The following RPAP2 variants were observed in gnomAD, a reference collection of about 807,000 sequenced individuals.
RPAP2 encodes RNA polymerase II associated protein 2.
A neutral mutation model predicts 73.1 loss-of-function variants in RPAP2; 52 were observed. The observed-to-expected ratio is 0.71, with a 90% CI of 0.57 to 0.90. RPAP2 has a LOEUF of 0.90. RPAP2 is among the 40% of genes least tolerant of loss of function. The pLI, the probability that RPAP2 is intolerant of heterozygous loss-of-function variation, is 0.00. For synonymous variants in RPAP2, 225 were observed against 242.1 expected (o/e 0.93, Z 0.65); for missense variants, 598 against 701.8 (o/e 0.85, Z 1.67).
chr1:92,332,474 G>T (rs7542747), intron 8 of RPAP2, among the ~76,000 whole-genome samples: 131,342 of 152,098 alleles, frequency 0.86, 57,129 homozygotes, highest in East Asian at 1. Context: ...TCATATTGTC[G>T]TGTTTTATTA....
intron 7 of RPAP2, among the ~76,000 whole-genome samples, chr1:92,322,942 T>C (rs1449142518): frequency 2.7e-5 from 4 of 147,610 alleles, no homozygotes; most frequent in Non-Finnish European, 4.5e-5. Context: ...ATACTTTATA[T>C]ATTATATATA....
intron 6 of RPAP2, among the ~76,000 whole-genome samples, chr1:92,318,127 T>C (rs1358973084): frequency 6.6e-6 from 1 of 152,224 alleles, no homozygotes; most frequent in Non-Finnish European, 1.5e-5. Flanking sequence ...GATTACAGTG[T>C]CCTCTTAAAC....
intron 7 of RPAP2, among the ~76,000 whole-genome samples, chr1:92,322,784 G>T (rs1039342691): frequency 1.3e-5 from 2 of 151,534 alleles, no homozygotes; most frequent in Non-Finnish European, 2.9e-5. Context: ...GGCCGAGGTG[G>T]GAGAATCGCT....
At chr1:92,335,031 T>A (rs1653197829) in intron 9 of RPAP2, among the ~76,000 whole-genome samples, 1 of 151,934 alleles carries the variant, frequency 6.6e-6, no homozygotes. Context: ...GTTGTGGGGC[T>A]ACTACTCAGG....
intron 8 of RPAP2, among the ~76,000 whole-genome samples, chr1:92,326,691 T>C (rs1474238779): frequency 6.6e-6 from 1 of 152,144 alleles, no homozygotes; most frequent in African/African-American, 2.4e-5. Flanking sequence ...TCCAGGAAGA[T>C]TATGGCTGCC....
chr1:92,375,154 AATTAT>A lies in RPAP2; in HGVS notation c.1689-5563_1689-5559del, dbSNP rs778463741. Among the ~76,000 whole-genome samples the A allele has an allele frequency of 1.2e-3, 184 of 152,278 alleles. 1 individual carries two copies. Among genetic ancestry groups the A allele is most frequent in the Non-Finnish European group, 2.1e-3 (140 of 68,018 alleles). On this transcript the variant is annotated intron_variant, in intron 11 of 12. Transcript: ENST00000610020. ...ATACTCTTGAATGAATCATTCATAAAATTATATTATACATCAGATTTTCAGGGTTC... is the reference window on the plus strand; with the variant it reads ...ATACTCTTGAATGAATCATTCATAAAATTATACATCAGATTTTCAGGGTTC...
Position 92,390,709 on chromosome 1 carries a change from G to T in RPAP2, c.*3698G>T, listed in dbSNP as rs1433335879. ...AAAAGGATGTAGGAAGATTTACCAAGCAAATGGAAAGCAGAAAAAAGCAGG... is the reference window on the plus strand; with the variant it reads ...AAAAGGATGTAGGAAGATTTACCAATCAAATGGAAAGCAGAAAAAAGCAGG... On this transcript the variant is annotated 3_prime_UTR_variant, in exon 13 of 13. Transcript: ENST00000610020. The T allele has an allele frequency of 6.6e-6, 1 of 152,154 alleles. No individual in the cohort carries two copies. The highest frequency in any genetic ancestry group is 2.4e-5 in the African/African-American group (1 of 41,442). The allele number at this position is 152,154 out of a possible 1,614,324, so 9.4% of individuals were successfully genotyped here.
At chr1:92,381,114 A>G (rs1571149937) in intron 12 of RPAP2, among the ~76,000 whole-genome samples, 1 of 151,986 alleles carries the variant, frequency 6.6e-6, no homozygotes, top group African/African-American at 2.4e-5. Context: ...TGTTTTTTGC[A>G]GTCCAGGAAG....
chr1:92,395,540 G>A lies in RPAP2; in HGVS notation c.*8529G>A, dbSNP rs1656162138. ...AGTCCTGGCTACTCAGAAGGCTGAG[G>A]TGGGAGGATCTCTTGACCCTGGGAG... On this transcript the variant is annotated 3_prime_UTR_variant, in exon 13 of 13. Coordinates refer to ENST00000610020, the MANE Select transcript of RPAP2 (RefSeq NM_024813.3). The A allele has an allele frequency of 1.3e-5, 2 of 151,594 alleles. No individual in the cohort carries two copies. The highest frequency in any genetic ancestry group is 4.8e-5 in the African/African-American group (2 of 41,240). The allele number at this position is 151,594 out of a possible 1,614,324, so 9.4% of individuals were successfully genotyped here.
At chr1:92,301,440 CT>C in intron 2 of RPAP2, 35 bp from the exon 3 acceptor site, 1 of 1,108,994 alleles carries the variant, frequency 9.0e-7, no homozygotes. Flanking sequence ...GGACATGAAG[CT>C]TTTAAGTAGA....
At chr1:92,300,130 C>T in intron 1 of RPAP2, 64 bp from the exon 2 acceptor site, 1 of 1,109,260 alleles carries the variant, frequency 9.0e-7, no homozygotes, top group South Asian at 1.3e-5. Flanking sequence ...AGACCGCTGT[C>T]TGTATGCTGT....
At chr1:92,303,736 TGCAGAGAC>T (rs945798275) in intron 3 of RPAP2, among the ~76,000 whole-genome samples, 1 of 152,236 alleles carries the variant, frequency 6.6e-6, no homozygotes. Flanking sequence ...TCTACAAAGA[TGCAGAGAC>T]TACTGTGGCA....
chr1:92,324,728 G>A (rs1008050636), intron 8 of RPAP2, among the ~76,000 whole-genome samples: 1 of 152,132 alleles, frequency 6.6e-6, no homozygotes, highest in Non-Finnish European at 1.5e-5. Flanking sequence ...TTTACATGGG[G>A]TCTGTGTGTG....
At chr1:92,350,927 G>A (rs2101336773) in intron 11 of RPAP2, among the ~76,000 whole-genome samples, 1 of 151,416 alleles carries the variant, frequency 6.6e-6, no homozygotes, top group East Asian at 2.0e-4. Flanking sequence ...GCAAGACTCT[G>A]TCTCAAAATA....
At chr1:92,315,331 C>A (rs887068613) in intron 6 of RPAP2, among the ~76,000 whole-genome samples, 1 of 151,986 alleles carries the variant, frequency 6.6e-6, no homozygotes, top group Non-Finnish European at 1.5e-5. Context: ...TTCATGGTAC[C>A]CCAAAGCAAT....
chr1:92,373,747 A>AAT (rs1557630302), intron 11 of RPAP2, among the ~76,000 whole-genome samples: 8 of 136,818 alleles, frequency 5.8e-5, no homozygotes, highest in African/African-American at 8.6e-5. Flanking sequence ...AATAAAAAAA[A>AAT]AAAAAAAAAA....
chr1:92,342,537 C>G lies in RPAP2; in HGVS notation c.1620-3309C>G, dbSNP rs1402603986. Among the ~76,000 whole-genome samples, 8 of 152,102 alleles carry G rather than the reference C, an allele frequency of 5.3e-5. No individual in the cohort carries two copies. In the East Asian group the frequency reaches 1.5e-3, roughly 29 times the overall value. On this transcript the variant is annotated intron_variant, in intron 10 of 12. Coordinates refer to ENST00000610020, the MANE Select transcript of RPAP2 (RefSeq NM_024813.3). ...GTTCTGAACAGAGGAATGACATGATCTAACATACATTTTTTAACAGCATCA... is the reference window on the plus strand; with the variant it reads ...GTTCTGAACAGAGGAATGACATGATGTAACATACATTTTTTAACAGCATCA...
At chr1:92,326,276 A>G in intron 8 of RPAP2, among the ~76,000 whole-genome samples, 1 of 152,004 alleles carries the variant, frequency 6.6e-6, no homozygotes, top group East Asian at 1.9e-4. Flanking sequence ...GCACTATTTT[A>G]TTTGCTTATT....
At chr1:92,372,600 T>C (rs767757985) in intron 11 of RPAP2, among the ~76,000 whole-genome samples, 3 of 152,124 alleles carry the variant, frequency 2.0e-5, no homozygotes, top group Non-Finnish European at 4.4e-5. Context: ...AAGAAAATGT[T>C]TCCTCCATTC....
Sources: allele counts gnomAD v4.1 joint callset (sites outside exome capture counted in the v4.1 genomes callset), GRCh38; gene constraint gnomAD v4.1.1; transcripts MANE v1.5; gene names NCBI Gene and HGNC (gene_info 2026-07-23, HGNC 2026-07-21).